The following CCDC25 variants were observed in gnomAD, a reference collection of about 807,000 sequenced individuals.
CCDC25 encodes the protein coiled-coil domain-containing protein 25.
CCDC25 carries 16 observed loss-of-function variants against 35.3 expected under a neutral mutation model. The observed-to-expected ratio is 0.45, with a 90% confidence interval of 0.31 to 0.69. CCDC25 has a LOEUF of 0.69. CCDC25 is among the 30% of genes least tolerant of loss of function. The pLI, the probability that CCDC25 is intolerant of heterozygous loss-of-function variation, is 0.06. For synonymous variants in CCDC25, 79 were observed against 80.3 expected (o/e 0.98, Z 0.09); for missense variants, 179 against 250.7 (o/e 0.71, Z 1.93).
chr8:27,747,444 C>T (rs1803643563), intron 7 of CCDC25, among the ~76,000 whole-genome samples: 1 of 152,164 alleles, frequency 6.6e-6, no homozygotes, highest in Admixed American at 6.5e-5. Flanking sequence ...TCTTGCTGGA[C>T]TTCTAATCTA....
chr8:27,769,207 G>GT (rs940501383), intron 1 of CCDC25, among the ~76,000 whole-genome samples: 4 of 152,076 alleles, frequency 2.6e-5, no homozygotes, highest in African/African-American at 9.7e-5. Context: ...TAACTTTGCA[G>GT]TTTTAAAAGA....
intron 4 of CCDC25, among the ~76,000 whole-genome samples, chr8:27,753,192 T>G (rs1029361916): frequency 6.6e-6 from 1 of 152,134 alleles, no homozygotes; most frequent in African/African-American, 2.4e-5. Context: ...GATGCCCCTT[T>G]TACAGATGCA....
rs1438640410 is a variant in CCDC25 at position 27,740,475 on chromosome 8, AT to A, written c.593del (p.Asn198IlefsTer21). On this transcript the variant is annotated frameshift_variant, in exon 8 of 9. Transcript: ENST00000356537. LOFTEE classifies it high-confidence loss of function. The stretch of plus-strand genomic sequence containing the variant: ...CATGCAAACCACTTGAACATACCTG[AT>A]TTGAAGACATATTTTCAACTTTCAT... Reference protein sequence around the residue: ...SLMKVENMSSNQDGNDSDEFM With the variant: ...SLMKVENMSSXQDGNDSDEFM The A allele has an allele frequency of 6.2e-7, 1 of 1,612,942 alleles. No individual in the cohort carries two copies. The highest frequency in any genetic ancestry group is 1.1e-5 in the South Asian group (1 of 90,872).
chr8:27,753,701 C>A (rs1304281223), intron 4 of CCDC25, among the ~76,000 whole-genome samples: 1 of 152,244 alleles, frequency 6.6e-6, no homozygotes, highest in African/African-American at 2.4e-5. Context: ...AGACATTAAT[C>A]TGACCCAAAA....
chr8:27,756,730 G>A lies in CCDC25; in HGVS notation c.157C>T (p.Arg53Ter), dbSNP rs747557723. 4 of 1,610,058 alleles carry A rather than the reference G, an allele frequency of 2.5e-6. No homozygotes were observed. The highest frequency in any genetic ancestry group is 2.2e-5 in the South Asian group (2 of 90,962). The change falls in exon 4 of 9, where the codon CGA becomes TGA. Residue 53 changes from arginine to a stop codon, truncating the protein, a stop_gained. Transcript: ENST00000356537. LOFTEE classifies it high-confidence loss of function. ...TTAAATTCAGTTACCTTATGTAATC[G>A]AAGGTATACATGAGCCGAAGAGAGT... Reference protein sequence around the residue: ...DKLSSAHVYLRLHKGENIEDI... With the variant: ...DKLSSAHVYL
chr8:27,771,373 G>A (rs1804609686), intron 1 of CCDC25, among the ~76,000 whole-genome samples: 1 of 152,144 alleles, frequency 6.6e-6, no homozygotes, highest in Non-Finnish European at 1.5e-5. Context: ...ATTAAGGGAC[G>A]CATGGCTACT....
At chr8:27,772,443 G>A (rs1804661488) in intron 1 of CCDC25, 70 bp downstream of exon 1, 26 of 1,465,126 alleles carry the variant, frequency 1.8e-5, no homozygotes, top group Middle Eastern at 1.7e-4. Context: ...CAGGCGCAGC[G>A]GCGGACTGCG....
chr8:27,765,245 G>T lies in CCDC25; in HGVS notation c.35C>A (p.Ser12Ter). Residue 12 changes from serine to a stop codon, truncating the protein, a stop_gained, in exon 2 of 9, where the codon TCA (serine) becomes TAA (stop). Transcript: ENST00000356537. LOFTEE classifies it high-confidence loss of function. The part of the protein sequence containing the change: ...VFYFTSSSVN[S>*]SAYTIYMGKD... ...TCCCATGTAAATAGTGTAGGCAGAT[G>T]AATTAACTAAGATAAAACAAAAATA... The T allele has an allele frequency of 6.7e-7, 1 of 1,483,020 alleles. No individual in the cohort carries two copies. The highest frequency in any genetic ancestry group is 1.2e-5 in the South Asian group (1 of 81,180). 91.9% of individuals were successfully genotyped at this position (1,483,020 alleles called of 1,614,324 possible). A position where few individuals can be genotyped will look rare whatever the true frequency, so the allele number is the denominator to read the frequency against.
intron 1 of CCDC25, among the ~76,000 whole-genome samples, chr8:27,767,239 G>A (rs1437495506): frequency 1.3e-5 from 2 of 152,120 alleles, no homozygotes; most frequent in Admixed American, 6.5e-5. Flanking sequence ...GGTGGCACAC[G>A]CCAGTGGTTC....
intron 7 of CCDC25, among the ~76,000 whole-genome samples, chr8:27,746,799 A>C (rs1803616924): frequency 6.6e-6 from 1 of 152,178 alleles, no homozygotes; most frequent in African/African-American, 2.4e-5. Context: ...TTTTAAGTGA[A>C]GCCTGTTTTA....
At chr8:27,739,499 G>GA (rs1177397735) in intron 8 of CCDC25, among the ~76,000 whole-genome samples, 10 of 149,438 alleles carry the variant, frequency 6.7e-5, no homozygotes, top group African/African-American at 9.9e-5. Context: ...ATATTTAGAG[G>GA]AAAAAAACAA....
chr8:27,758,184 T>C (rs1473345991), intron 3 of CCDC25, among the ~76,000 whole-genome samples: 2 of 152,202 alleles, frequency 1.3e-5, no homozygotes, highest in Non-Finnish European at 2.9e-5. Flanking sequence ...CTGAAGAATG[T>C]TCAGAAAATC....
At chr8:27,738,604 GTGT>G (rs1325994390) in intron 8 of CCDC25, among the ~76,000 whole-genome samples, 16 of 48,712 alleles carry the variant, frequency 3.3e-4, no homozygotes, top group African/African-American at 8.4e-4. Context: ...GTAGGTAGGT[GTGT>G]GTGTGTGTGT....
intron 7 of CCDC25, among the ~76,000 whole-genome samples, chr8:27,741,568 C>A (rs1803440061): frequency 1.3e-5 from 2 of 152,164 alleles, no homozygotes; most frequent in African/African-American, 4.8e-5. Context: ...ATCCCAGCTA[C>A]TCAGGAGGCT....
In CCDC25 at chr8:27,734,647, A is replaced by C. The variant is rs1056225572; in HGVS notation, c.*1569T>G. On this transcript the variant is annotated 3_prime_UTR_variant, in exon 9 of 9. Transcript: ENST00000356537. ...AGACCTGGACATTTTAAACCAGTGT[A>C]AGCTGAGTTAGGAAATGTTTAAAGT... 1 of 152,188 alleles carries C rather than the reference A, an allele frequency of 6.6e-6. No homozygotes were observed. Among genetic ancestry groups the C allele is most frequent in the Non-Finnish European group, 1.5e-5 (1 of 68,030 alleles). 9.4% of individuals were successfully genotyped at this position (152,188 alleles called of 1,614,324 possible). A position where few individuals can be genotyped will look rare whatever the true frequency, so the allele number is the denominator to read the frequency against.
At chr8:27,749,484 G>C (rs1263979478) in intron 5 of CCDC25, among the ~76,000 whole-genome samples, 1 of 152,180 alleles carries the variant, frequency 6.6e-6, no homozygotes, top group Non-Finnish European at 1.5e-5. Flanking sequence ...TAATATTCCT[G>C]CTCCAAAGTG....
At chr8:27,762,577 A>T (rs1804264954) in intron 2 of CCDC25, 119 bp from the exon 3 acceptor site, 1 of 804,292 alleles carries the variant, frequency 1.2e-6, no homozygotes, top group Non-Finnish European at 2.0e-6. Flanking sequence ...CTCAATGAAG[A>T]AGAGTAATTC....
chr8:27,750,381 T>TAA (rs1803756929), intron 5 of CCDC25, among the ~76,000 whole-genome samples: 4 of 152,206 alleles, frequency 2.6e-5, no homozygotes, highest in Admixed American at 2.0e-4. Flanking sequence ...CTCTATAAAA[T>TAA]GAAAATAATA....
chr8:27,768,700 T>C (rs935766862), intron 1 of CCDC25, among the ~76,000 whole-genome samples: 3 of 152,232 alleles, frequency 2.0e-5, no homozygotes, highest in Non-Finnish European at 4.4e-5. Flanking sequence ...GTTATTCTCA[T>C]CTAAATAATA....
Sources: allele counts gnomAD v4.1 joint callset (sites outside exome capture counted in the v4.1 genomes callset), GRCh38; gene constraint gnomAD v4.1.1; transcripts MANE v1.5; gene names NCBI Gene and HGNC (gene_info 2026-07-23, HGNC 2026-07-21).